Variants in COL4A2 observed in about 807,000 individuals in gnomAD.
The protein encoded by COL4A2 is collagen type IV alpha 2 chain, also known as collagen alpha-2(IV) chain.
A neutral mutation model predicts 200.2 loss-of-function variants in COL4A2; 99 were observed. The observed-to-expected ratio is 0.49, with a 90% confidence interval of 0.42 to 0.58. The LOEUF is 0.58. Ranked by LOEUF, COL4A2 falls within the 20% of genes least tolerant of loss-of-function variation. The pLI, the probability that COL4A2 is intolerant of heterozygous loss-of-function variation, is 0.00. For missense variants in COL4A2, 1,950 were observed against 2,314.1 expected, an observed-to-expected ratio of 0.84 and a Z score of 3.23; for synonymous variants, 897 against 900.6, an observed-to-expected ratio of 1.00 and a Z score of 0.07.
intron 39 of COL4A2, 85 bp from the exon 40 acceptor site, chr13:110,495,257 G>A: frequency 6.5e-7 from 1 of 1,532,104 alleles, no homozygotes; most frequent in Admixed American, 1.7e-5. Flanking sequence ...TGCTTTTGAG[G>A]CACCCCAAGC....
At chr13:110,424,900 A>G (rs754810893) in intron 5 of COL4A2, 32 bp downstream of exon 5, 5 of 1,614,168 alleles carry the variant, frequency 3.1e-6, no homozygotes, top group Non-Finnish European at 4.2e-6. Context: ...CCCTGGCCTC[A>G]TGAGGGTGGC....
At chr13:110,389,892 T>C (rs1878923792) in intron 4 of COL4A2, among the ~76,000 whole-genome samples, 2 of 152,198 alleles carry the variant, frequency 1.3e-5, no homozygotes, top group Non-Finnish European at 2.9e-5. Flanking sequence ...TAAAAATTTT[T>C]AAAACTACCC....
chr13:110,474,682 CG>C (rs1882616020), intron 29 of COL4A2, among the ~76,000 whole-genome samples: 1 of 142,284 alleles, frequency 7.0e-6, no homozygotes, highest in Non-Finnish European at 1.6e-5. Context: ...TCCTTACACA[CG>C]TACCCACACA....
rs530074417 is a variant in COL4A2 at position 110,393,977 on chromosome 13, A to G, written c.181-30757A>G. 6.6e-5 allele frequency among the ~76,000 whole-genome samples: 10 copies of G among 152,304 alleles called. 3 individuals carry two copies. Among genetic ancestry groups the G allele is most frequent in the Admixed American group, 5.9e-4 (9 of 15,294 alleles). On this transcript the variant is annotated intron_variant, in intron 4 of 47. Coordinates refer to ENST00000360467, the MANE Select transcript of COL4A2 (RefSeq NM_001846.4). ...ACTCATAGTAAAAACCTTCCAGCAG[A>G]ATGAGGTGTTGGCCATACCCCCTGC... is the stretch of plus-strand genomic sequence containing the variant.
chr13:110,339,276 A>G (rs1261974243), intron 3 of COL4A2, among the ~76,000 whole-genome samples: 1 of 152,198 alleles, frequency 6.6e-6, no homozygotes, highest in African/African-American at 2.4e-5. Context: ...GATGGACAGT[A>G]GGTGTGGGAG....
At chr13:110,452,215 G>A (rs1267006473) in intron 20 of COL4A2, among the ~76,000 whole-genome samples, 5 of 152,066 alleles carry the variant, frequency 3.3e-5, no homozygotes, top group Non-Finnish European at 7.4e-5. Flanking sequence ...CTCACTGCAC[G>A]CTCCGCCTCC....
chr13:110,373,994 G>C (rs9559783), intron 4 of COL4A2, among the ~76,000 whole-genome samples: 150,703 of 152,374 alleles, frequency 0.99, 74,549 homozygotes, highest in East Asian at 1. Flanking sequence ...AATATCTCCA[G>C]CAATTATCCA....
At position 110,322,525 on chromosome 13, in the gene COL4A2, G is replaced by A. The variant is rs117738867; in HGVS notation, c.99+14402G>A. 2.1e-3 allele frequency among the ~76,000 whole-genome samples: 313 copies of A among 152,308 alleles called. 8 individuals are homozygous for A. The East Asian group carries it at 0.052, about 25-fold the overall frequency. On this transcript the variant is annotated intron_variant, in intron 3 of 47. Transcript: ENST00000360467. The stretch of plus-strand genomic sequence containing the variant: ...CAGGAGGAGGACAGGGGATGGACGC[G>A]TCAAGACAAGGGGAGAAGACATATG...
At chr13:110,475,330 T>C (rs182209872) in intron 29 of COL4A2, among the ~76,000 whole-genome samples, 41 of 152,320 alleles carry the variant, frequency 2.7e-4, no homozygotes, top group Admixed American at 5.9e-4. Context: ...GGCACTTAAA[T>C]GAGTTCACAG....
chr13:110,424,268 T>A (rs1443830851), intron 4 of COL4A2, among the ~76,000 whole-genome samples: 2 of 128,896 alleles, frequency 1.6e-5, no homozygotes, highest in Non-Finnish European at 3.4e-5. Flanking sequence ...GCTCTTTTTT[T>A]TCCCTCTATG....
chr13:110,462,424 T>C, intron 24 of COL4A2, 40 bp downstream of exon 24: 1 of 1,600,566 alleles, frequency 6.2e-7, no homozygotes, highest in African/African-American at 1.3e-5. Flanking sequence ...TCCTCTCTTC[T>C]TCATCCTTCA....
At chr13:110,462,043 C>A (rs1389236649) in intron 22 of COL4A2, 71 bp from the exon 23 acceptor site, 4 of 1,584,718 alleles carry the variant, frequency 2.5e-6, no homozygotes, top group Non-Finnish European at 3.4e-6. Flanking sequence ...GATGAAAAAG[C>A]TTGCCAGCCA....
intron 4 of COL4A2, among the ~76,000 whole-genome samples, chr13:110,390,608 G>A (rs1878949915): frequency 6.6e-6 from 1 of 152,246 alleles, no homozygotes; most frequent in African/African-American, 2.4e-5. Flanking sequence ...CTCAGCAGTA[G>A]TTATTCCATA....
At chr13:110,462,509 C>A in intron 24 of COL4A2, 125 bp downstream of exon 24, 1 of 785,762 alleles carries the variant, frequency 1.3e-6, no homozygotes, top group Non-Finnish European at 2.0e-6. Context: ...ACAGGCTGCT[C>A]ATTCTGCTCA....
rs116634661 is a variant in COL4A2, at chr13:110,509,705, T to C, written c.4881+1484T>C. ...CCATTAGCATCAGGTTTCAAATGACTGTCACGAGATAAGCAGACATTATCC... is the reference window on the plus strand; with the variant it reads ...CCATTAGCATCAGGTTTCAAATGACCGTCACGAGATAAGCAGACATTATCC... On this transcript the variant is annotated intron_variant, in intron 47 of 47. Transcript: ENST00000360467. Among the ~76,000 whole-genome samples, 535 of 152,312 alleles carry C rather than the reference T, an allele frequency of 3.5e-3. 3 individuals are homozygous for C. Among genetic ancestry groups the C allele is most frequent in the African/African-American group, 0.012 (479 of 41,566 alleles).
At chr13:110,505,117 G>A (rs1353522436) in intron 45 of COL4A2, among the ~76,000 whole-genome samples, 8 of 151,874 alleles carry the variant, frequency 5.3e-5, no homozygotes, top group East Asian at 3.9e-4. Context: ...TTGGGAGGCT[G>A]AGGTGGGCGG....
At chr13:110,446,169 A>G (rs1156824549) in intron 17 of COL4A2, among the ~76,000 whole-genome samples, 1 of 152,160 alleles carries the variant, frequency 6.6e-6, no homozygotes, top group Non-Finnish European at 1.5e-5. Flanking sequence ...TGTAGTAACA[A>G]GAGGGTGCGG....
At chr13:110,377,051 T>TA (rs1236752903) in intron 4 of COL4A2, among the ~76,000 whole-genome samples, 1 of 152,046 alleles carries the variant, frequency 6.6e-6, no homozygotes, top group African/African-American at 2.4e-5. Flanking sequence ...TTTTACTTAT[T>TA]ACGTTGAATG....
At chr13:110,430,789 T>G in intron 10 of COL4A2, 182 bp downstream of exon 10, 1 of 919,236 alleles carries the variant, frequency 1.1e-6, no homozygotes. Flanking sequence ...CTGTTAAGGT[T>G]GAAGAATAAG....
Sources: allele counts gnomAD v4.1 joint callset (sites outside exome capture counted in the v4.1 genomes callset), GRCh38; gene constraint gnomAD v4.1.1; transcripts MANE v1.5; gene names NCBI Gene and HGNC (gene_info 2026-07-23, HGNC 2026-07-21).